The following ARHGEF10L variants were observed in gnomAD, a reference collection of about 807,000 sequenced individuals.
The protein encoded by ARHGEF10L is Rho guanine nucleotide exchange factor 10 like.
ARHGEF10L carries 69 observed loss-of-function variants against 141.2 expected under a neutral mutation model. The observed-to-expected ratio is 0.49, with a 90% CI of 0.40 to 0.60. The LOEUF (loss-of-function observed/expected upper bound fraction) is 0.60. ARHGEF10L is among the 20% of genes least tolerant of loss of function. The probability of loss-of-function intolerance (pLI) is 0.00; values close to 1 mark genes in which losing one functional copy is unlikely to be tolerated. For synonymous variants in ARHGEF10L, 711 were observed against 718.5 expected (o/e 0.99, Z 0.17); for missense variants, 1,482 against 1,734.3 (o/e 0.85, Z 2.58).
intron 1 of ARHGEF10L, among the ~76,000 whole-genome samples, chr1:17,554,170 C>T (rs994176041): frequency 6.6e-6 from 1 of 152,136 alleles, no homozygotes; most frequent in Non-Finnish European, 1.5e-5. Flanking sequence ...CCAGTTCATC[C>T]GCCCTTGAGA....
intron 1 of ARHGEF10L, among the ~76,000 whole-genome samples, chr1:17,567,436 G>C (rs1023283201): frequency 6.6e-6 from 1 of 152,116 alleles, no homozygotes; most frequent in African/African-American, 2.4e-5. Flanking sequence ...GCGCGATCTC[G>C]GCTCACTGTA....
At chr1:17,662,485 T>G (rs1394631542) in intron 25 of ARHGEF10L, among the ~76,000 whole-genome samples, 2 of 152,202 alleles carry the variant, frequency 1.3e-5, no homozygotes, top group African/African-American at 4.8e-5. Context: ...CTTCCCTTGG[T>G]GCTCACGCTG....
At chr1:17,641,107 T>G (rs1389437682) in intron 21 of ARHGEF10L, among the ~76,000 whole-genome samples, 1 of 152,186 alleles carries the variant, frequency 6.6e-6, no homozygotes, top group East Asian at 1.9e-4. Flanking sequence ...TCTGCTTCCT[T>G]GGCTTGGCAA....
chr1:17,564,745 A>G (rs1445916084), intron 1 of ARHGEF10L, among the ~76,000 whole-genome samples: 1 of 152,208 alleles, frequency 6.6e-6, no homozygotes, highest in African/African-American at 2.4e-5. Flanking sequence ...GGAGGAAATT[A>G]TAGGAGCTGT....
chr1:17,683,069 C>T (rs1168962689), intron 26 of ARHGEF10L, among the ~76,000 whole-genome samples: 2 of 152,112 alleles, frequency 1.3e-5, no homozygotes, highest in African/African-American at 4.8e-5. Flanking sequence ...GCAGTGAGGG[C>T]TTCCCCCCTG....
chr1:17,603,700 C>A lies in ARHGEF10L; in HGVS notation c.433+109C>A. ...CCTTCTGTCCCCACCTGGCCAAGTG[C>A]CCCTCCTTCTTGTCTTTAGAAACAA... is the stretch of plus-strand genomic sequence containing the variant. On this transcript the variant is annotated intron_variant, in intron 6 of 28. Transcript: ENST00000361221. This position sits in a 1 kb window ranked among gnomAD's most constrained non-coding sequence, Gnocchi z 4.8. 1 of 979,420 alleles carries A rather than the reference C, an allele frequency of 1.0e-6. No homozygotes were observed. The highest frequency in any genetic ancestry group is 1.5e-6 in the Non-Finnish European group (1 of 687,852). 60.7% of individuals were successfully genotyped at this position (979,420 alleles called of 1,614,324 possible).
At position 17,697,066 on chromosome 1, in the gene ARHGEF10L, C is replaced by A; in HGVS notation, c.3526C>A (p.Arg1176Ser). 3 of 1,604,496 alleles carry A rather than the reference C, an allele frequency of 1.9e-6. No homozygotes were observed. The highest frequency in any genetic ancestry group is 2.6e-6 in the Non-Finnish European group (3 of 1,174,608). The change falls in exon 29 of 29, where the codon CGC (arginine) becomes AGC (serine). Residue 1176 changes from arginine (R) to serine (S), a missense_variant. This residue lies in a region of ARHGEF10L where 858 missense variants were observed against 966.3 expected (regional missense o/e 0.89). Coordinates refer to ENST00000361221, the MANE Select transcript of ARHGEF10L (RefSeq NM_018125.4). The surrounding 1 kb of genome is among the most constrained non-coding windows in gnomAD (Gnocchi z 4.8). Reference sequence around the variant, plus strand: ...CAAGAAGGGCATCCTCTTGCAGTACCGCCTGCGCTCCACCGCACACCTCCC... The same window carrying A: ...CAAGAAGGGCATCCTCTTGCAGTACAGCCTGCGCTCCACCGCACACCTCCC... ...TRKKGILLQYRLRSTAHLPGP... is the reference protein window; with the variant it reads ...TRKKGILLQYSLRSTAHLPGP...
the ARHGEF10L span, among the ~76,000 whole-genome samples, chr1:17,533,804 C>G: frequency 6.6e-6 from 1 of 152,088 alleles, no homozygotes; most frequent in Non-Finnish European, 1.5e-5. Flanking sequence ...AAAACGTGAC[C>G]TAGTCTCTCT....
In ARHGEF10L at chr1:17,621,625, A is replaced by G. The variant is rs540268354; in HGVS notation, c.943-239A>G. Among the ~76,000 whole-genome samples the G allele has an allele frequency of 6.6e-6, 1 of 152,310 alleles. No individual in the cohort carries two copies. Among genetic ancestry groups the G allele is most frequent in the South Asian group, 2.1e-4 (1 of 4,820 alleles). ...TTACCCCATCCCCAGATGTATGTGC[A>G]CAGAGGGGCTTTCCCTGGGATGTGC... On this transcript the variant is annotated intron_variant, in intron 10 of 28. Transcript: ENST00000361221. The surrounding 1 kb of genome is among the most constrained non-coding windows in gnomAD (Gnocchi z 4.1).
chr1:17,629,070 G>T (rs866708532), intron 15 of ARHGEF10L, among the ~76,000 whole-genome samples: 1 of 152,136 alleles, frequency 6.6e-6, no homozygotes, highest in Non-Finnish European at 1.5e-5. Flanking sequence ...GCCCAGGCTG[G>T]AGTACAGTGG....
At chr1:17,595,881 G>A (rs1489058741) in intron 4 of ARHGEF10L, among the ~76,000 whole-genome samples, 3 of 152,188 alleles carry the variant, frequency 2.0e-5, no homozygotes, top group Admixed American at 1.3e-4. Flanking sequence ...ACTGAGGCAC[G>A]GAGAAATGCT....
intron 18 of ARHGEF10L, among the ~76,000 whole-genome samples, chr1:17,635,611 G>A (rs2060952374): frequency 6.6e-6 from 1 of 152,160 alleles, no homozygotes; most frequent in Non-Finnish European, 1.5e-5. Context: ...TGGCTCAAAT[G>A]GCACTTCCTC....
Position 17,621,774 on chromosome 1 carries a change from C to T in ARHGEF10L, c.943-90C>T, listed in dbSNP as rs1424009642. On this transcript the variant is annotated intron_variant, in intron 10 of 28. Transcript: ENST00000361221. The surrounding 1 kb of genome is among the most constrained non-coding windows in gnomAD (Gnocchi z 4.1). ...TGGGACCTGGGAGGGATGGGTTTCTCTGTCCTATAGTTGTCAGCTCCCCTT... is the reference window on the plus strand; with the variant it reads ...TGGGACCTGGGAGGGATGGGTTTCTTTGTCCTATAGTTGTCAGCTCCCCTT... 6.7e-6 allele frequency: 8 copies of T among 1,200,638 alleles called. No individual in the cohort carries two copies. The highest frequency in any genetic ancestry group is 9.9e-6 in the Non-Finnish European group (8 of 811,788). 74.4% of individuals were successfully genotyped at this position (1,200,638 alleles called of 1,614,324 possible). A position where few individuals can be genotyped will look rare whatever the true frequency, so the allele number is the denominator to read the frequency against.
At chr1:17,617,558 G>A (rs1032532632) in intron 9 of ARHGEF10L, among the ~76,000 whole-genome samples, 14 of 152,256 alleles carry the variant, frequency 9.2e-5, no homozygotes, top group Admixed American at 9.2e-4. Flanking sequence ...TGGGCTCACA[G>A]CTGATGGAAT....
At chr1:17,597,109 C>T (rs1344408564) in intron 4 of ARHGEF10L, among the ~76,000 whole-genome samples, 3 of 152,164 alleles carry the variant, frequency 2.0e-5, no homozygotes, top group Admixed American at 6.5e-5. Flanking sequence ...CTCTTCCCTG[C>T]TTCTGCATCT....
intron 1 of ARHGEF10L, among the ~76,000 whole-genome samples, chr1:17,563,229 GC>G (rs1378051653): frequency 7.5e-5 from 11 of 147,222 alleles, no homozygotes; most frequent in Middle Eastern, 3.6e-3. Context: ...TTGTCAGAGA[GC>G]CCTTTTCTTT....
rs1424009642 is a variant in ARHGEF10L, at chr1:17,621,774, C to G, written c.943-90C>G. ...TGGGACCTGGGAGGGATGGGTTTCT[C>G]TGTCCTATAGTTGTCAGCTCCCCTT... On this transcript the variant is annotated intron_variant, in intron 10 of 28. Transcript: ENST00000361221. The surrounding 1 kb of genome is among the most constrained non-coding windows in gnomAD (Gnocchi z 4.1). The G allele has an allele frequency of 8.3e-7, 1 of 1,200,756 alleles. No homozygotes were observed. The highest frequency in any genetic ancestry group is 1.2e-6 in the Non-Finnish European group (1 of 811,780). 74.4% of individuals were successfully genotyped at this position (1,200,756 alleles called of 1,614,324 possible). A position where few individuals can be genotyped will look rare whatever the true frequency, so the allele number is the denominator to read the frequency against.
At chr1:17,514,761 G>A in the ARHGEF10L span, among the ~76,000 whole-genome samples, 4 of 152,080 alleles carry the variant, frequency 2.6e-5, no homozygotes, top group African/African-American at 9.7e-5. Context: ...TGTGTGTGTT[G>A]GGGGGACCTC....
chr1:17,638,471 C>A, intron 19 of ARHGEF10L, 91 bp from the exon 20 acceptor site: 2 of 1,558,822 alleles, frequency 1.3e-6, no homozygotes, highest in Non-Finnish European at 8.7e-7. Flanking sequence ...GTTTCTCTTC[C>A]TCTGGGGTGC....
Sources: allele counts gnomAD v4.1 joint callset (sites outside exome capture counted in the v4.1 genomes callset), GRCh38; gene constraint gnomAD v4.1.1; regional missense constraint gnomAD v4.1.1; non-coding constraint Gnocchi (gnomAD v3.1); transcripts MANE v1.5; gene names NCBI Gene and HGNC (gene_info 2026-07-23, HGNC 2026-07-21).